The following ZFHX2 variants were observed in gnomAD, a reference collection of about 807,000 sequenced individuals.
ZFHX2 encodes zinc finger homeobox protein 2.
In ZFHX2, 75 loss-of-function variants were observed where a neutral mutation model predicts 164.8. The observed-to-expected ratio is 0.46, with a 90% CI of 0.38 to 0.55. The LOEUF (loss-of-function observed/expected upper bound fraction) is 0.55. Ranked by LOEUF, ZFHX2 falls within the 20% of genes least tolerant of loss-of-function variation. The probability of loss-of-function intolerance (pLI) is 0.00; values close to 1 mark genes in which losing one functional copy is unlikely to be tolerated. For synonymous variants in ZFHX2, 1,217 were observed against 1,351.4 expected (o/e 0.90, Z 2.18); for missense variants, 2,933 against 3,308.0 (o/e 0.89, Z 2.78).
At chr14:23,529,808 C>A in intron 5 of ZFHX2, 40 bp from the exon 6 acceptor site, 4 of 1,524,920 alleles carry the variant, frequency 2.6e-6, no homozygotes, top group Non-Finnish European at 3.5e-6. Context: ...ACCCTGACAG[C>A]CCTCAAGATG....
chr14:23,555,270 A>G (rs1341107545), upstream of ZFHX2, among the ~76,000 whole-genome samples: 1 of 152,094 alleles, frequency 6.6e-6, no homozygotes, highest in Non-Finnish European at 1.5e-5. Context: ...AAGTGCTGGG[A>G]TTGCAGGTGT....
Position 23,535,052 on chromosome 14 carries a change from C to A in ZFHX2, c.274G>T (p.Val92Leu), listed in dbSNP as rs1331949192. The change falls in exon 2 of 10, where the codon GTG becomes TTG. Residue 92 changes from valine (V) to leucine (L), a missense_variant. By Grantham distance (32) the Val-to-Leu change is conservative. Coordinates refer to ENST00000419474, the MANE Select transcript of ZFHX2 (RefSeq NM_033400.3). The surrounding 1 kb of genome is among the most constrained non-coding windows in gnomAD (Gnocchi z 4.5). ...TCCTCCTGCTCCTTGTCCTTTTCCACCCCTGGGTCATTTGGTGGGAAGTGA... is the reference window on the plus strand; with the variant it reads ...TCCTCCTGCTCCTTGTCCTTTTCCAACCCTGGGTCATTTGGTGGGAAGTGA... ...CGHFPPNDPG[V>L]EKDKEQEEEE... is the part of the protein sequence containing the mutation. 1.5e-5 allele frequency: 23 copies of A among 1,536,172 alleles called. No individual in the cohort carries two copies. Among genetic ancestry groups the A allele is most frequent in the Non-Finnish European group, 2.0e-5 (23 of 1,146,940 alleles).
At position 23,525,005 on chromosome 14, in the gene ZFHX2, G is replaced by T; in HGVS notation, c.4937C>A (p.Ala1646Asp). ...GGCATTTTTGCGTGCTTTCTGGCGG[G>T]CATTCTGGAACCACACCACCACCAC... Reference protein sequence around the residue: ...SRVVVVWFQNARQKARKNACE... With the variant: ...SRVVVVWFQNDRQKARKNACE... The change falls in exon 9 of 10, where the codon GCC becomes GAC. Residue 1646 changes from alanine (A) to aspartate (D), a missense_variant. Ala to Asp is a moderately radical substitution (Grantham distance 126). Coordinates refer to ENST00000419474, the MANE Select transcript of ZFHX2 (RefSeq NM_033400.3). This position sits in a 1 kb window ranked among gnomAD's most constrained non-coding sequence, Gnocchi z 5.9. 1 of 1,536,236 alleles carries T rather than the reference G, an allele frequency of 6.5e-7. No individual in the cohort carries two copies. The highest frequency in any genetic ancestry group is 8.7e-7 in the Non-Finnish European group (1 of 1,146,932).
chr14:23,534,262 G>C lies in ZFHX2; in HGVS notation c.1064C>G (p.Pro355Arg). The stretch of plus-strand genomic sequence containing the variant: ...CGATTCTTTGGCTTGGGTTGGGCTG[G>C]GGTCCCAGGTGGCTGTGGGTGGAGA... ...PPSPPTATWD[P>R]SPTQAKESPV... Residue 355 changes from proline (P) to arginine (R), a missense_variant, in exon 2 of 10, where the codon CCC (proline) becomes CGC (arginine). Transcript: ENST00000419474. This position sits in a 1 kb window ranked among gnomAD's most constrained non-coding sequence, Gnocchi z 4.5. 1 of 1,529,428 alleles carries C rather than the reference G, an allele frequency of 6.5e-7. No homozygotes were observed. Among genetic ancestry groups the C allele is most frequent in the South Asian group, 1.2e-5 (1 of 83,438 alleles). 94.7% of individuals were successfully genotyped at this position (1,529,428 alleles called of 1,614,324 possible). A position where few individuals can be genotyped will look rare whatever the true frequency, so the allele number is the denominator to read the frequency against.
At chr14:23,541,064 G>C (rs761619261) in intron 1 of ZFHX2, among the ~76,000 whole-genome samples, 3 of 151,924 alleles carry the variant, frequency 2.0e-5, no homozygotes. Context: ...ATGCCACCAG[G>C]CCTGGCTAAT....
intron 1 of ZFHX2, among the ~76,000 whole-genome samples, chr14:23,537,853 T>C (rs1880354704): frequency 6.6e-6 from 1 of 152,204 alleles, no homozygotes; most frequent in African/African-American, 2.4e-5. Context: ...CACACCGCCC[T>C]TCCACTACCC....
chr14:23,553,934 C>T (rs774001302), upstream of ZFHX2, among the ~76,000 whole-genome samples: 11 of 148,196 alleles, frequency 7.4e-5, no homozygotes, highest in Non-Finnish European at 1.2e-4. Flanking sequence ...TGGGGTGGCA[C>T]GTGCCTGTAG....
At position 23,525,316 on chromosome 14, in the gene ZFHX2, A is replaced by G; in HGVS notation, c.4626T>C (p.Asp1542=). The change falls in exon 9 of 10, where the codon GAT becomes GAC. Residue 1542 remains aspartate (D), a synonymous_variant. Transcript: ENST00000419474. This position sits in a 1 kb window ranked among gnomAD's most constrained non-coding sequence, Gnocchi z 5.9. ...EPPKPPDGSL[D]SPVPHLGPPF... ...GTGGGCCCAGATGGGGAACAGGTGA[A>G]TCCAGAGACCCATCAGGAGGTTTGG... 6.5e-7 allele frequency: 1 copy of G among 1,536,052 alleles called. No homozygotes were observed. Among genetic ancestry groups the G allele is most frequent in the Non-Finnish European group, 8.7e-7 (1 of 1,146,888 alleles).
At chr14:23,552,852 T>G (rs559477199), upstream of ZFHX2, among the ~76,000 whole-genome samples, 11 of 152,192 alleles carry the variant, frequency 7.2e-5, no homozygotes, top group Admixed American at 4.6e-4. Flanking sequence ...TCCACCGGCC[T>G]CAGCCTCCCA....
In ZFHX2 at chr14:23,532,851, G is replaced by C; in HGVS notation, c.2275C>G (p.Arg759Gly). Residue 759 changes from arginine (R) to glycine (G), a missense_variant, in exon 3 of 10, where the codon CGC becomes GGC. Arg to Gly is a moderately radical substitution (Grantham distance 125). Coordinates refer to ENST00000419474, the MANE Select transcript of ZFHX2 (RefSeq NM_033400.3). ...EWKEVAGDTH[R>G]CKLCCYGTQL... ...GTGCCATAGCAGCAAAGCTTGCAGC[G>C]GTGGGTGTCACCAGCCACCTCCTTC... is the stretch of plus-strand genomic sequence containing the variant. The C allele has an allele frequency of 6.5e-7, 1 of 1,536,330 alleles. No individual in the cohort carries two copies. The highest frequency in any genetic ancestry group is 8.7e-7 in the Non-Finnish European group (1 of 1,146,962).
intron 1 of ZFHX2, among the ~76,000 whole-genome samples, chr14:23,550,653 T>C (rs1881852574): frequency 6.6e-6 from 1 of 151,940 alleles, no homozygotes; most frequent in Admixed American, 6.6e-5. Flanking sequence ...ATAGGGCTGC[T>C]CAGAGGGGCA....
Position 23,535,056 on chromosome 14 carries a change from T to C in ZFHX2, c.270A>G (p.Pro90=). The part of the protein sequence containing the change: ...PDCGHFPPND[P]GVEKDKEQEE... Reference sequence around the variant, plus strand: ...CCTGCTCCTTGTCCTTTTCCACCCCTGGGTCATTTGGTGGGAAGTGACCAC... The same window carrying C: ...CCTGCTCCTTGTCCTTTTCCACCCCCGGGTCATTTGGTGGGAAGTGACCAC... Residue 90 remains proline (P), a synonymous_variant, in exon 2 of 10, where the codon CCA becomes CCG. Coordinates refer to ENST00000419474, the MANE Select transcript of ZFHX2 (RefSeq NM_033400.3). The surrounding 1 kb of genome is among the most constrained non-coding windows in gnomAD (Gnocchi z 4.5). 1 of 1,536,260 alleles carries C rather than the reference T, an allele frequency of 6.5e-7. No homozygotes were observed. The highest frequency in any genetic ancestry group is 2.4e-5 in the East Asian group (1 of 40,908).
upstream of ZFHX2, among the ~76,000 whole-genome samples, chr14:23,554,650 A>G (rs1350928688): frequency 1.3e-5 from 2 of 151,748 alleles, no homozygotes; most frequent in African/African-American, 4.8e-5. Context: ...GACCTCCCAA[A>G]GTGCTAGGAT....
chr14:23,553,802 G>A (rs1882145505), upstream of ZFHX2, among the ~76,000 whole-genome samples: 1 of 152,036 alleles, frequency 6.6e-6, no homozygotes, highest in Non-Finnish European at 1.5e-5. Context: ...GCTGAGGCAG[G>A]AGAATGGCAT....
rs759142504 is a variant in ZFHX2, at chr14:23,535,079, C to G, written c.247G>C (p.Gly83Arg). The G allele has an allele frequency of 5.9e-6, 9 of 1,536,096 alleles. No homozygotes were observed. Among genetic ancestry groups the G allele is most frequent in the South Asian group, 2.4e-5 (2 of 84,072 alleles). Residue 83 changes from glycine to arginine, a missense_variant, in exon 2 of 10, where the codon GGT becomes CGT. Gly to Arg is a moderately radical substitution (Grantham distance 125). Coordinates refer to ENST00000419474, the MANE Select transcript of ZFHX2 (RefSeq NM_033400.3). This position sits in a 1 kb window ranked among gnomAD's most constrained non-coding sequence, Gnocchi z 4.5. ...IGEPQEGPDCGHFPPNDPGVE... is the reference protein window; with the variant it reads ...IGEPQEGPDCRHFPPNDPGVE... ...CCTGGGTCATTTGGTGGGAAGTGAC[C>G]ACAGTCAGGCCCTTCCTGGGGCTCC...
intron 1 of ZFHX2, among the ~76,000 whole-genome samples, chr14:23,549,280 A>G (rs915608128): frequency 6.6e-6 from 1 of 151,798 alleles, no homozygotes; most frequent in Non-Finnish European, 1.5e-5. Context: ...CTCACGTCAT[A>G]CATTTCTCTA....
At position 23,526,565 on chromosome 14, in the gene ZFHX2, G is replaced by A. The variant is rs1324899748; in HGVS notation, c.3377C>T (p.Ala1126Val). ...ATCAGGTTCAGGGACTGGAGATGGG[G>A]CTGGAGAAGGGGGTTGGCCAGGGCT... The part of the protein sequence containing the change: ...SGSPGQPPSP[A>V]PSPVPEPDAQ... The change falls in exon 9 of 10, where the codon GCC becomes GTC. Residue 1126 changes from alanine to valine, a missense_variant. Transcript: ENST00000419474. 1 of 1,535,818 alleles carries A rather than the reference G, an allele frequency of 6.5e-7. No individual in the cohort carries two copies.
rs1879953077 is a variant in ZFHX2, at chr14:23,534,615, C to G, written c.711G>C (p.Trp237Cys). ...AACCCAGGCGGCACAGAAGGCAGAG[C>G]CAGAAGACCGCCACGTGGTTGCCCC... The part of the protein sequence containing the change: ...NSGGNHVAVF[W>C]LCLLCRLGFS... The change falls in exon 2 of 10, where the codon TGG becomes TGC. Residue 237 changes from tryptophan to cysteine, a missense_variant. Trp to Cys is a radical substitution (Grantham distance 215). Coordinates refer to ENST00000419474, the MANE Select transcript of ZFHX2 (RefSeq NM_033400.3). The surrounding 1 kb of genome is among the most constrained non-coding windows in gnomAD (Gnocchi z 4.5). 3 of 1,536,040 alleles carry G rather than the reference C, an allele frequency of 2.0e-6. No individual in the cohort carries two copies. Among genetic ancestry groups the G allele is most frequent in the Non-Finnish European group, 2.6e-6 (3 of 1,146,924 alleles).
At position 23,534,743 on chromosome 14, in the gene ZFHX2, G is replaced by C; in HGVS notation, c.583C>G (p.Pro195Ala). Residue 195 changes from proline (P) to alanine (A), a missense_variant, in exon 2 of 10, where the codon CCA (proline) becomes GCA (alanine). By Grantham distance (27) the Pro-to-Ala change is conservative. Transcript: ENST00000419474. The surrounding 1 kb of genome is among the most constrained non-coding windows in gnomAD (Gnocchi z 4.5). ...CTTTCCTCACAGGCAGCCGGAGATG[G>C]TGCTGAGGTATCATGGGACAGAATT... is the stretch of plus-strand genomic sequence containing the variant. Reference protein sequence around the residue: ...DQILSHDTSAPSPAACEERHG... With the variant: ...DQILSHDTSAASPAACEERHG... The C allele has an allele frequency of 6.5e-7, 1 of 1,536,190 alleles. No individual in the cohort carries two copies. The highest frequency in any genetic ancestry group is 1.2e-5 in the South Asian group (1 of 84,066).
Sources: gnomAD v4.1 joint callset for allele counts (sites outside exome capture counted in the v4.1 genomes callset) on GRCh38, gnomAD v4.1.1 for gene constraint, Gnocchi (gnomAD v3.1) non-coding constraint, MANE v1.5 for transcripts, NCBI Gene and HGNC (gene_info 2026-07-23, HGNC 2026-07-21) for gene names.